The following TMTC4 variants were observed in gnomAD, a reference collection of about 807,000 sequenced individuals.
TMTC4 encodes the protein protein O-mannosyl-transferase TMTC4.
TMTC4 carries 65 observed loss-of-function variants against 86.0 expected under a neutral mutation model. The observed-to-expected ratio is 0.76, with a 90% CI of 0.62 to 0.93. The LOEUF is 0.93. Ranked by LOEUF, TMTC4 falls within the 40% of genes least tolerant of loss-of-function variation. The probability of loss-of-function intolerance (pLI) is 0.00; values close to 1 mark genes in which losing one functional copy is unlikely to be tolerated. For missense variants in TMTC4, 866 were observed against 948.1 expected, an observed-to-expected ratio of 0.91 and a Z score of 1.14; for synonymous variants, 379 against 382.5, an observed-to-expected ratio of 0.99 and a Z score of 0.11.
chr13:100,661,495 T>A (rs567822211), intron 5 of TMTC4, among the ~76,000 whole-genome samples: 1 of 152,350 alleles, frequency 6.6e-6, no homozygotes, highest in East Asian at 1.9e-4. Context: ...CTCCAGTGAA[T>A]CCCTCTCTTC....
chr13:100,668,426 C>T lies in TMTC4; in HGVS notation c.219+153G>A, dbSNP rs1227378678. 24 of 750,676 alleles carry T rather than the reference C, an allele frequency of 3.2e-5. No homozygotes were observed. In the East Asian group the frequency reaches 4.6e-4, roughly 14 times the overall value. 46.5% of individuals were successfully genotyped at this position (750,676 alleles called of 1,614,324 possible). A position where few individuals can be genotyped will look rare whatever the true frequency, so the allele number is the denominator to read the frequency against. The stretch of plus-strand genomic sequence containing the variant: ...TAAGAAAGGCACTAAATCATGGAGG[C>T]GATGTTGAAAAGAGAGAAAAATCGA... On this transcript the variant is annotated intron_variant, in intron 3 of 18. Transcript: ENST00000342624.
chr13:100,635,265 T>A, intron 10 of TMTC4, 70 bp from the exon 11 acceptor site: 11 of 1,412,542 alleles, frequency 7.8e-6, no homozygotes, highest in Non-Finnish European at 1.0e-5. Flanking sequence ...CTACTCCACA[T>A]TAAATTAATG....
At chr13:100,655,531 T>G (rs563743913) in intron 6 of TMTC4, among the ~76,000 whole-genome samples, 2 of 152,190 alleles carry the variant, frequency 1.3e-5, no homozygotes, top group African/African-American at 4.8e-5. Flanking sequence ...CGATTCATTA[T>G]GGGGCCGGCC....
chr13:100,624,608 C>T (rs1880164439), intron 15 of TMTC4, among the ~76,000 whole-genome samples: 1 of 152,116 alleles, frequency 6.6e-6, no homozygotes, highest in Non-Finnish European at 1.5e-5. Flanking sequence ...AAAACAAAAC[C>T]AAGAAGCTTC....
At chr13:100,621,040 A>G (rs1566573560) in intron 15 of TMTC4, among the ~76,000 whole-genome samples, 1 of 152,254 alleles carries the variant, frequency 6.6e-6, no homozygotes, top group Non-Finnish European at 1.5e-5. Flanking sequence ...CAGGAAGACC[A>G]TTTCACGGCA....
At chr13:100,632,041 ACACACACACACACTCTCTCT>A (rs1881464900) in intron 12 of TMTC4, among the ~76,000 whole-genome samples, 1 of 70,176 alleles carries the variant, frequency 1.4e-5, no homozygotes, top group South Asian at 4.7e-4. Context: ...ACACACACAC[ACACACACACACACTCTCTCT>A]CTCTCTCTCT....
intron 1 of TMTC4, 56 bp from the exon 2 acceptor site, chr13:100,670,625 G>A (rs960366972): frequency 2.5e-5 from 10 of 405,584 alleles, no homozygotes; most frequent in Non-Finnish European, 4.3e-5. Context: ...TTACATTTCA[G>A]CTAAAGAAAT....
chr13:100,621,935 G>A (rs1011322152), intron 15 of TMTC4, among the ~76,000 whole-genome samples: 1 of 152,102 alleles, frequency 6.6e-6, no homozygotes, highest in Non-Finnish European at 1.5e-5. Context: ...TGCTTTGTAT[G>A]TGATTGAATT....
At chr13:100,631,344 C>T (rs1881330166) in intron 12 of TMTC4, among the ~76,000 whole-genome samples, 1 of 152,194 alleles carries the variant, frequency 6.6e-6, no homozygotes, top group Admixed American at 6.5e-5. Context: ...ACATAAAAAT[C>T]CTATAGCATC....
At chr13:100,623,633 T>A (rs1307567303) in intron 15 of TMTC4, among the ~76,000 whole-genome samples, 3 of 146,858 alleles carry the variant, frequency 2.0e-5, no homozygotes, top group African/African-American at 7.5e-5. Context: ...TGGAAACTAC[T>A]AGTTGGGTTT....
At chr13:100,614,223 G>GA (rs1878109381) in intron 16 of TMTC4, 93 bp downstream of exon 16, 2 of 940,110 alleles carry the variant, frequency 2.1e-6, no homozygotes, top group East Asian at 2.5e-5. Context: ...AACTCAGTAG[G>GA]AAAAAAGCAC....
chr13:100,645,525 C>T (rs1293931737), intron 6 of TMTC4, among the ~76,000 whole-genome samples: 1 of 150,776 alleles, frequency 6.6e-6, no homozygotes, highest in African/African-American at 2.4e-5. Context: ...CCCGGTTCAC[C>T]TCTCCATGTC....
chr13:100,614,414 C>A lies in TMTC4; in HGVS notation c.1853G>T (p.Arg618Leu). Residue 618 changes from arginine (R) to leucine (L), a missense_variant, in exon 16 of 19, where the codon CGC becomes CTC. Coordinates refer to ENST00000342624, the MANE Select transcript of TMTC4 (RefSeq NM_032813.5). ...CCACGCATTCAAGGCATCCACGTGG[C>A]GATTGAGATCTGCATACTGAAAATA... ...NLGRLYADLN[R>L]HVDALNAWRN... 6.2e-7 allele frequency: 1 copy of A among 1,611,540 alleles called. No homozygotes were observed. The highest frequency in any genetic ancestry group is 8.5e-7 in the Non-Finnish European group (1 of 1,179,498).
intron 16 of TMTC4, 61 bp from the exon 17 acceptor site, chr13:100,612,571 T>C: frequency 8.1e-7 from 1 of 1,234,870 alleles, no homozygotes; most frequent in Non-Finnish European, 1.2e-6. Context: ...TTTTAGCTTC[T>C]CTCTATAACT....
intron 6 of TMTC4, among the ~76,000 whole-genome samples, chr13:100,655,124 C>T (rs1331600845): frequency 4.7e-5 from 7 of 148,870 alleles, no homozygotes; most frequent in African/African-American, 7.4e-5. Flanking sequence ...CGGGTTCAAA[C>T]GATTCTCCTG....
At chr13:100,627,271 C>T (rs1013121482) in intron 12 of TMTC4, among the ~76,000 whole-genome samples, 2 of 152,194 alleles carry the variant, frequency 1.3e-5, no homozygotes, top group Non-Finnish European at 1.5e-5. Flanking sequence ...TAGGATCAGT[C>T]GTTGTCCTCA....
intron 7 of TMTC4, among the ~76,000 whole-genome samples, chr13:100,639,678 G>C (rs1183277050): frequency 2.6e-5 from 4 of 152,158 alleles, no homozygotes; most frequent in Non-Finnish European, 5.9e-5. Context: ...GGTGGCTCAC[G>C]CCTGTAATCC....
At chr13:100,655,178 C>G (rs56143327) in intron 6 of TMTC4, among the ~76,000 whole-genome samples, 28,732 of 151,902 alleles carry the variant, frequency 0.19, 3,095 homozygotes, top group Middle Eastern at 0.26. Flanking sequence ...CACGCCACCA[C>G]ACCTGGCTAA....
chr13:100,637,717 C>T lies in TMTC4; in HGVS notation c.835-15G>A. The T allele has an allele frequency of 6.2e-7, 1 of 1,611,892 alleles. No individual in the cohort carries two copies. The highest frequency in any genetic ancestry group is 1.1e-5 in the South Asian group (1 of 90,976). On this transcript the variant is annotated splice_polypyrimidine_tract_variant and intron_variant, in intron 8 of 18. Transcript: ENST00000342624. ...ATGCCGAGATTCTGCAAGGACATCG[C>T]AAAGCCCCAGAGGTGGCTGATTTTC...
Sources: gnomAD v4.1 joint callset for allele counts (sites outside exome capture counted in the v4.1 genomes callset) on GRCh38, gnomAD v4.1.1 for gene constraint, MANE v1.5 for transcripts, NCBI Gene and HGNC (gene_info 2026-07-23, HGNC 2026-07-21) for gene names.